The following TRAPPC9 variants were observed in gnomAD, a reference collection of about 807,000 sequenced individuals.
TRAPPC9 encodes trafficking protein particle complex subunit 9.
A neutral mutation model predicts 124.0 loss-of-function variants in TRAPPC9; 83 were observed. That is an observed-to-expected ratio of 0.67 (90% CI 0.56 to 0.80). TRAPPC9 has a LOEUF of 0.80. Ranked by LOEUF, TRAPPC9 falls within the 30% of genes least tolerant of loss-of-function variation. The pLI is 0.00. For missense variants in TRAPPC9, 1,302 were observed against 1,508.3 expected (o/e 0.86, Z 2.27); for synonymous variants, 638 against 617.5 (o/e 1.03, Z -0.49).
In TRAPPC9 at chr8:139,750,058, TC is replaced by T. The variant is rs1368118615; in HGVS notation, c.3056-17857del. On this transcript the variant is annotated intron_variant, in intron 21 of 22. Coordinates refer to ENST00000438773, the MANE Select transcript of TRAPPC9 (RefSeq NM_001160372.4). ...CGGGTGAGGAGTGTCCCCCACCCCA[TC>T]CCATCTCAGCTGGGAGTGGTGGGGG... Among the ~76,000 whole-genome samples the T allele has an allele frequency of 9.2e-4, 140 of 152,002 alleles. 1 individual carries two copies. Among genetic ancestry groups the T allele is most frequent in the African/African-American group, 3.2e-3 (133 of 41,478 alleles).
Position 140,443,427 on chromosome 8 carries a change from C to A in TRAPPC9, c.585-4230G>T, listed in dbSNP as rs138322848. Among the ~76,000 whole-genome samples, 339 of 151,168 alleles carry A rather than the reference C, an allele frequency of 2.2e-3. 3 individuals carry two copies. Among genetic ancestry groups the A allele is most frequent in the African/African-American group, 7.7e-3 (318 of 41,138 alleles). ...CTCCAGCGTGGGCGACAGAGCAAGACTCCATCTCAAAAAAAAAAAAAGAAG... is the reference window on the plus strand; with the variant it reads ...CTCCAGCGTGGGCGACAGAGCAAGAATCCATCTCAAAAAAAAAAAAAGAAG... On this transcript the variant is annotated intron_variant, in intron 2 of 22. Coordinates refer to ENST00000438773, the MANE Select transcript of TRAPPC9 (RefSeq NM_001160372.4).
At chr8:140,227,107 T>C (rs1430633517) in intron 16 of TRAPPC9, among the ~76,000 whole-genome samples, 1 of 152,150 alleles carries the variant, frequency 6.6e-6, no homozygotes, top group East Asian at 1.9e-4. Flanking sequence ...AAACTGAAGC[T>C]GAGCCCTTCG....
At position 139,886,260 on chromosome 8, in the gene TRAPPC9, G is replaced by A. The variant is rs1830008331; in HGVS notation, c.2965-291C>T. Among the ~76,000 whole-genome samples the A allele has an allele frequency of 2.6e-5, 4 of 152,310 alleles. No individual in the cohort carries two copies. The South Asian group carries it at 8.3e-4, about 32-fold the overall frequency. The stretch of plus-strand genomic sequence containing the variant: ...TAATTTTAATCCAACAACTATTCTT[G>A]CTGGGGAAAATAAAGAGAAATGGAA... On this transcript the variant is annotated intron_variant, in intron 20 of 22. Transcript: ENST00000438773.
chr8:139,949,204 G>C (rs1834473017), intron 19 of TRAPPC9, among the ~76,000 whole-genome samples: 5 of 152,100 alleles, frequency 3.3e-5, no homozygotes, highest in Admixed American at 3.3e-4. Flanking sequence ...TTTCATTACA[G>C]GTACTAAGAC....
intron 21 of TRAPPC9, among the ~76,000 whole-genome samples, chr8:139,790,455 T>C (rs1822580765): frequency 6.6e-6 from 1 of 152,160 alleles, no homozygotes; most frequent in African/African-American, 2.4e-5. Flanking sequence ...CAGCCGGTGC[T>C]CACAGGGGAA....
At chr8:140,394,891 G>C (rs1411331390) in intron 7 of TRAPPC9, among the ~76,000 whole-genome samples, 1 of 152,168 alleles carries the variant, frequency 6.6e-6, no homozygotes, top group South Asian at 2.1e-4. Flanking sequence ...AGGCTCCGGG[G>C]CAGGGACCAC....
At position 140,019,542 on chromosome 8, in the gene TRAPPC9, C is replaced by CTTTTTTTTTTTTTTTTTTTTT. The variant is rs71320340; in HGVS notation, c.2699+4374_2699+4394dup. ...CTGTGTCAATTTTAGTAATTTGTGT[C>CTTTTTTTTTTTTTTTTTTTTT]TTTTTTTTTTTTTTTTTTTTTTTTT... On this transcript the variant is annotated intron_variant, in intron 18 of 22. Coordinates refer to ENST00000438773, the MANE Select transcript of TRAPPC9 (RefSeq NM_001160372.4). 1.1e-4 allele frequency among the ~76,000 whole-genome samples: 5 copies of CTTTTTTTTTTTTTTTTTTTTT among 43,860 alleles called. 1 individual carries two copies. The highest frequency in any genetic ancestry group is 1.2e-4 in the Non-Finnish European group (3 of 24,528). 28.8% of individuals were successfully genotyped at this position (43,860 alleles called of 152,430 possible). A position where few individuals can be genotyped will look rare whatever the true frequency, so the allele number is the denominator to read the frequency against.
At chr8:140,428,606 A>C (rs760712951) in intron 4 of TRAPPC9, among the ~76,000 whole-genome samples, 38 of 152,238 alleles carry the variant, frequency 2.5e-4, no homozygotes, top group Middle Eastern at 3.4e-3. Context: ...CCGATGCTTC[A>C]GTTTGTTCCT....
At chr8:139,942,695 T>G (rs1301500535) in intron 19 of TRAPPC9, among the ~76,000 whole-genome samples, 2 of 152,024 alleles carry the variant, frequency 1.3e-5, no homozygotes, top group East Asian at 1.9e-4. Flanking sequence ...AAAACAGACA[T>G]AGTCGAGAGA....
chr8:140,247,167 T>G (rs892300596), intron 16 of TRAPPC9, among the ~76,000 whole-genome samples: 6 of 152,216 alleles, frequency 3.9e-5, no homozygotes, highest in African/African-American at 1.4e-4. Context: ...TATGACAACG[T>G]CTCTCTAGTT....
intron 16 of TRAPPC9, among the ~76,000 whole-genome samples, chr8:140,250,438 G>A (rs62527490): frequency 0.022 from 3,274 of 152,208 alleles, 42 homozygotes; most frequent in Middle Eastern, 0.044. Context: ...GGATCCACAC[G>A]TGGTCCCCCA....
chr8:140,425,080 T>C (rs567924364), intron 5 of TRAPPC9, among the ~76,000 whole-genome samples: 2 of 152,334 alleles, frequency 1.3e-5, no homozygotes, highest in South Asian at 4.1e-4. Flanking sequence ...CTACCAGCAC[T>C]GTCACTGCTA....
chr8:139,747,602 T>G (rs1244640058), intron 21 of TRAPPC9, among the ~76,000 whole-genome samples: 3 of 14,236 alleles, frequency 2.1e-4, no homozygotes, highest in Non-Finnish European at 3.9e-4. Flanking sequence ...TCAGAGCAGG[T>G]GGGGAGGTGT....
intron 21 of TRAPPC9, among the ~76,000 whole-genome samples, chr8:139,787,705 T>C (rs1822365261): frequency 1.3e-5 from 2 of 152,224 alleles, no homozygotes; most frequent in Admixed American, 1.3e-4. Context: ...CTAACACCAC[T>C]GTTTTTCAAC....
chr8:139,874,735 G>A (rs952800914), intron 21 of TRAPPC9, among the ~76,000 whole-genome samples: 1 of 152,164 alleles, frequency 6.6e-6, no homozygotes, highest in Non-Finnish European at 1.5e-5. Flanking sequence ...GCAGTGGGGG[G>A]CCTTCTGAGC....
intron 17 of TRAPPC9, among the ~76,000 whole-genome samples, chr8:140,102,473 CCACA>C (rs60084618): frequency 2.7e-5 from 4 of 149,262 alleles, no homozygotes; most frequent in South Asian, 2.1e-4. Flanking sequence ...CCTCCCCCCA[CCACA>C]CACACACACA....
chr8:139,740,904 G>C (rs1048975491), intron 21 of TRAPPC9, among the ~76,000 whole-genome samples: 4 of 152,208 alleles, frequency 2.6e-5, no homozygotes, highest in African/African-American at 9.7e-5. Flanking sequence ...TTCCACTGTG[G>C]TCTGGCTGTG....
intron 6 of TRAPPC9, among the ~76,000 whole-genome samples, chr8:140,404,186 C>T (rs907788528): frequency 3.9e-5 from 6 of 152,106 alleles, no homozygotes; most frequent in Non-Finnish European, 8.8e-5. Context: ...GTAACTTGAA[C>T]ATAACCTATG....
chr8:139,921,938 CAGCCTCATCCAGGGGTGTGCA>C (rs1253646613), intron 19 of TRAPPC9, among the ~76,000 whole-genome samples: 1 of 151,944 alleles, frequency 6.6e-6, no homozygotes, highest in Non-Finnish European at 1.5e-5. Context: ...CCCCCAACAC[CAGCCTCATCCAGGGGTGTGCA>C]CACCTGCCCC....
Sources: allele counts gnomAD v4.1 joint callset (sites outside exome capture counted in the v4.1 genomes callset), GRCh38; gene constraint gnomAD v4.1.1; transcripts MANE v1.5; gene names NCBI Gene and HGNC (gene_info 2026-07-23, HGNC 2026-07-21).